The following DAB1 variants were observed in gnomAD, a reference collection of about 807,000 sequenced individuals.
DAB1 encodes the protein DAB adaptor protein 1.
Under a neutral mutation model 64.6 loss-of-function variants are expected in DAB1, and 15 were observed. The observed-to-expected ratio is 0.23, with a 90% CI of 0.16 to 0.36. The LOEUF (loss-of-function observed/expected upper bound fraction) is 0.36. Ranked by LOEUF, DAB1 falls within the 10% of genes least tolerant of loss-of-function variation. DAB1 has a pLI of 1.00. For missense variants in DAB1, 596 were observed against 706.7 expected, an observed-to-expected ratio of 0.84 and a Z score of 1.78; for synonymous variants, 235 against 251.9, an observed-to-expected ratio of 0.93 and a Z score of 0.64.
At chr1:58,267,414 T>C (rs995458236) in intron 4 of DAB1, among the ~76,000 whole-genome samples, 3 of 152,174 alleles carry the variant, frequency 2.0e-5, no homozygotes, top group South Asian at 4.1e-4. Context: ...CCTACTTCCA[T>C]TGGGTCAGCA....
At chr1:57,858,310 G>T (rs955655776) in intron 1 of DAB1, among the ~76,000 whole-genome samples, 1 of 152,020 alleles carries the variant, frequency 6.6e-6, no homozygotes, top group African/African-American at 2.4e-5. Flanking sequence ...AACTTTCTTG[G>T]TAGGTTAAAG....
At chr1:57,606,680 T>TATGAAA (rs1225209179) in intron 7 of DAB1, among the ~76,000 whole-genome samples, 6 of 71,064 alleles carry the variant, frequency 8.4e-5, no homozygotes, top group Middle Eastern at 7.0e-3. Flanking sequence ...GAAATATATA[T>TATGAAA]TATGTATGAA....
At chr1:57,896,619 C>G (rs72918580) in intron 5 of DAB1, among the ~76,000 whole-genome samples, 19 of 152,216 alleles carry the variant, frequency 1.2e-4, no homozygotes, top group African/African-American at 4.6e-4. Context: ...TGATCCTGGG[C>G]AAGTTGCTTA....
intron 2 of DAB1, among the ~76,000 whole-genome samples, chr1:57,272,645 T>C (rs908376767): frequency 2.6e-5 from 4 of 152,180 alleles, no homozygotes; most frequent in African/African-American, 7.2e-5. Context: ...AATAAATAAA[T>C]GGCAGACTGA....
In DAB1 at chr1:57,683,347, C is replaced by G. The variant is rs118091480; in HGVS notation, n.552-33682G>C. ...GTGCAGTGTCAGTGATGGGAGGGGG[C>G]TCCCTGAAAGGCCAGGAGTGAACCT... On this transcript the variant is annotated intron_variant and non_coding_transcript_variant, in intron 6 of 20. Transcript: ENST00000485760. Among the ~76,000 whole-genome samples the G allele has an allele frequency of 3.3e-4, 50 of 152,218 alleles. No individual in the cohort carries two copies. In the East Asian group the frequency reaches 9.7e-3, roughly 30 times the overall value.
intron 4 of DAB1, among the ~76,000 whole-genome samples, chr1:58,159,104 C>T (rs74586086): frequency 1.0e-3 from 158 of 152,310 alleles, no homozygotes; most frequent in African/African-American, 3.7e-3. Flanking sequence ...GGAACCCAAA[C>T]TGAACAAGAA....
intron 4 of DAB1, among the ~76,000 whole-genome samples, chr1:57,121,213 G>C (rs1009479687): frequency 3.7e-4 from 56 of 151,472 alleles, no homozygotes; most frequent in African/African-American, 1.3e-3. Context: ...AGAAGAAGGA[G>C]AAGGAGGGGA....
intron 5 of DAB1, among the ~76,000 whole-genome samples, chr1:57,921,822 T>G (rs745768260): frequency 1.3e-5 from 2 of 151,926 alleles, no homozygotes; most frequent in Non-Finnish European, 2.9e-5. Context: ...CAAAACAAAA[T>G]TCCCACCATG....
At chr1:58,056,612 C>G (rs1570289500) in intron 5 of DAB1, 1 of 662,808 alleles carries the variant, frequency 1.5e-6, no homozygotes, top group African/African-American at 1.8e-5. Context: ...CCAGTGCAAG[C>G]TGTCTTCTGT....
intron 4 of DAB1, among the ~76,000 whole-genome samples, chr1:57,106,511 G>C (rs1655172037): frequency 6.6e-6 from 1 of 152,184 alleles, no homozygotes; most frequent in African/African-American, 2.4e-5. Flanking sequence ...CAGTCCCAAA[G>C]GGATCCAGTT....
At chr1:58,381,495 G>C (rs1322874801) in intron 3 of DAB1, among the ~76,000 whole-genome samples, 3 of 152,166 alleles carry the variant, frequency 2.0e-5, no homozygotes, top group Non-Finnish European at 4.4e-5. Flanking sequence ...TGATAGAGTA[G>C]CAAGAATGAA....
intron 7 of DAB1, among the ~76,000 whole-genome samples, chr1:57,638,554 C>G (rs1320274883): frequency 6.6e-6 from 1 of 152,128 alleles, no homozygotes; most frequent in African/African-American, 2.4e-5. Flanking sequence ...TTAACCTCAT[C>G]TCAATAATCT....
At chr1:57,128,124 G>C (rs1218291533) in intron 4 of DAB1, among the ~76,000 whole-genome samples, 1 of 151,402 alleles carries the variant, frequency 6.6e-6, no homozygotes, top group Non-Finnish European at 1.5e-5. Flanking sequence ...TCCAGCCTGG[G>C]AGATAAGAGT....
chr1:57,660,367 T>G (rs1215597858), intron 6 of DAB1, among the ~76,000 whole-genome samples: 1 of 152,190 alleles, frequency 6.6e-6, no homozygotes, highest in East Asian at 1.9e-4. Flanking sequence ...CCAAGCTGTG[T>G]CTGATCAGCC....
rs556307683 is a variant in DAB1 at position 58,420,666 on chromosome 1, G to C, written n.258-77263C>G. On this transcript the variant is annotated intron_variant and non_coding_transcript_variant, in intron 3 of 20. Transcript: ENST00000485760. ...CCAAATCCTGACTCTGTGTGACCTT[G>C]GGTACCTTTACTTAACACTTCTGAG... 4.6e-5 allele frequency among the ~76,000 whole-genome samples: 7 copies of C among 152,180 alleles called. No individual in the cohort carries two copies. In the South Asian group the frequency reaches 1.5e-3, roughly 32 times the overall value.
At chr1:58,048,539 C>A (rs115028639) in intron 5 of DAB1, 19,549 of 1,180,738 alleles carry the variant, frequency 0.017, 213 homozygotes, top group Non-Finnish European at 0.019. Context: ...TCCTCCATAA[C>A]CACCATAATT....
chr1:57,033,639 G>A (rs1647035678), intron 9 of DAB1: 2 of 1,450,546 alleles, frequency 1.4e-6, no homozygotes, highest in Non-Finnish European at 9.5e-7. Context: ...GGATTTATGA[G>A]TTTAATGATG....
At chr1:57,118,691 T>G (rs1656365386) in intron 4 of DAB1, among the ~76,000 whole-genome samples, 1 of 152,206 alleles carries the variant, frequency 6.6e-6, no homozygotes, top group Non-Finnish European at 1.5e-5. Context: ...GGTTTTTTTA[T>G]TTGTAGATGG....
rs147808318 is a variant in DAB1, at chr1:58,071,836, A to G, written n.387+78675T>C. ...TTTCTAATTGACAATTGATTAATTA[A>G]CTTGTGAATTCATCATTCACTCTAC... is the stretch of plus-strand genomic sequence containing the variant. On this transcript the variant is annotated intron_variant and non_coding_transcript_variant, in intron 5 of 20. Transcript: ENST00000485760. 2.6e-5 allele frequency among the ~76,000 whole-genome samples: 4 copies of G among 152,290 alleles called. No individual in the cohort carries two copies. The East Asian group carries it at 7.7e-4, about 29-fold the overall frequency.
Sources: allele counts gnomAD v4.1 joint callset (sites outside exome capture counted in the v4.1 genomes callset), GRCh38; gene constraint gnomAD v4.1.1; transcripts MANE v1.5; gene names NCBI Gene and HGNC (gene_info 2026-07-23, HGNC 2026-07-21).